The following ENOSF1 variants were observed in gnomAD, a reference collection of about 807,000 sequenced individuals.
ENOSF1 encodes the protein mitochondrial enolase superfamily member 1.
A neutral mutation model predicts 68.2 loss-of-function variants in ENOSF1; 73 were observed. That is an observed-to-expected ratio of 1.07 (90% confidence interval 0.89 to 1.30). The LOEUF (loss-of-function observed/expected upper bound fraction) is 1.30, where lower values mean the gene tolerates loss of function less well. Ranked by LOEUF, ENOSF1 falls within the 50% of genes most tolerant of loss-of-function variation. The pLI is 0.00. For missense variants in ENOSF1, 589 were observed against 554.5 expected, an observed-to-expected ratio of 1.06 and a Z score of -0.62; for synonymous variants, 223 against 210.4, an observed-to-expected ratio of 1.06 and a Z score of -0.52.
intron 2 of ENOSF1, among the ~76,000 whole-genome samples, chr18:705,194 G>A (rs2078805681): frequency 6.6e-6 from 1 of 152,248 alleles, no homozygotes; most frequent in Middle Eastern, 3.4e-3. Context: ...AAATATCCAA[G>A]GGAGAGGTAT....
Position 693,674 on chromosome 18 carries a change from C to T in ENOSF1, c.423+208G>A, listed in dbSNP as rs543931260. ...GAGGCAGGACCCCCTCACTGCTTCC[C>T]CTCATGCCACCCTGCCTGCATGAGC... is the stretch of plus-strand genomic sequence containing the variant. On this transcript the variant is annotated intron_variant, in intron 5 of 15. Coordinates refer to ENST00000647584, the MANE Select transcript of ENOSF1 (RefSeq NM_017512.7). The T allele has an allele frequency of 7.1e-6, 7 of 985,352 alleles. No individual in the cohort carries two copies. In the East Asian group the frequency reaches 6.8e-4, roughly 96 times the overall value. The allele number at this position is 985,352 out of a possible 1,614,324, so 61.0% of individuals were successfully genotyped here. A position where few individuals can be genotyped will look rare whatever the true frequency, so the allele number is the denominator to read the frequency against.
chr18:685,383 TATAA>T (rs2076519154), intron 10 of ENOSF1, among the ~76,000 whole-genome samples: 1 of 151,906 alleles, frequency 6.6e-6, no homozygotes, highest in African/African-American at 2.4e-5. Flanking sequence ...TTAATTCATG[TATAA>T]ATAGTGATCC....
intron 2 of ENOSF1, among the ~76,000 whole-genome samples, chr18:700,826 C>T (rs953365833): frequency 7.4e-6 from 1 of 135,138 alleles, no homozygotes; most frequent in African/African-American, 2.9e-5. Flanking sequence ...GCAGAGGTTG[C>T]AGTGAGCCAG....
Position 673,061 on chromosome 18 carries a change from A to G in ENOSF1, c.*1244T>C, listed in dbSNP as rs1349604592. 3 of 1,436,516 alleles carry G rather than the reference A, an allele frequency of 2.1e-6. No individual in the cohort carries two copies. Among genetic ancestry groups the G allele is most frequent in the African/African-American group, 2.8e-5 (2 of 71,196 alleles). 89.0% of individuals were successfully genotyped at this position (1,436,516 alleles called of 1,614,324 possible). A position where few individuals can be genotyped will look rare whatever the true frequency, so the allele number is the denominator to read the frequency against. On this transcript the variant is annotated 3_prime_UTR_variant, in exon 16 of 16. Transcript: ENST00000647584. ...TAGGGGTTGGGCTGGATGCCGAGGT[A>G]AAAGTTCTTTTTGCTCTAAAAGAAA...
chr18:676,089 C>T (rs2075484470), intron 14 of ENOSF1, among the ~76,000 whole-genome samples: 1 of 152,186 alleles, frequency 6.6e-6, no homozygotes, highest in Non-Finnish European at 1.5e-5. Flanking sequence ...TTCCTTTCAG[C>T]TATACAAATG....
At chr18:674,579 C>T (rs111811424) in intron 15 of ENOSF1, among the ~76,000 whole-genome samples, 173 bp from the exon 16 acceptor site, 11,110 of 152,092 alleles carry the variant, frequency 0.073, 602 homozygotes, top group Admixed American at 0.17. Flanking sequence ...AGTGCAGTGG[C>T]GCAATCTTGG....
chr18:667,992 A>ATTTTTTTTTTTTTTTTTTTTTT (rs60409589), downstream of ENOSF1, among the ~76,000 whole-genome samples: 5 of 105,362 alleles, frequency 4.7e-5, 1 homozygote, highest in African/African-American at 1.8e-4. Flanking sequence ...ATTCACAGGA[A>ATTTTTTTTTTTTTTTTTTTTTT]TTTTTTTTTT....
chr18:668,657 T>C (rs893031174), downstream of ENOSF1, among the ~76,000 whole-genome samples: 1 of 152,212 alleles, frequency 6.6e-6, no homozygotes, highest in Non-Finnish European at 1.5e-5. Context: ...CAACACTCTC[T>C]GTGAGACAAG....
In ENOSF1 at chr18:696,204, C is replaced by CTTTT. The variant is rs368856668; in HGVS notation, c.309+1032_309+1035dup. ...TAATGACCTTCTTTTACATCTCTCT[C>CTTTT]TTTTTTTTTTTTTTTTTTTTGTTTT... On this transcript the variant is annotated intron_variant, in intron 3 of 15. Transcript: ENST00000647584. 4.0e-3 allele frequency among the ~76,000 whole-genome samples: 474 copies of CTTTT among 118,716 alleles called. 14 individuals carry two copies. The highest frequency in any genetic ancestry group is 9.3e-3 in the African/African-American group (278 of 29,966). The allele number at this position is 118,716 out of a possible 152,430, so 77.9% of individuals were successfully genotyped here. A position where few individuals can be genotyped will look rare whatever the true frequency, so the allele number is the denominator to read the frequency against.
intron 12 of ENOSF1, among the ~76,000 whole-genome samples, chr18:678,088 G>C (rs1361137971): frequency 2.0e-5 from 3 of 152,212 alleles, no homozygotes; most frequent in Admixed American, 6.5e-5. Context: ...ATCTGCTAAT[G>C]CAACAGTGTG....
intron 3 of ENOSF1, among the ~76,000 whole-genome samples, chr18:696,493 G>A (rs910696491): frequency 1.3e-5 from 2 of 151,294 alleles, no homozygotes; most frequent in African/African-American, 2.5e-5. Context: ...TTACAGGAGT[G>A]AGCCACCGCG....
chr18:706,965 C>T (rs2847166), intron 1 of ENOSF1, among the ~76,000 whole-genome samples: 71,833 of 151,220 alleles, frequency 0.48, 17,472 homozygotes, highest in African/African-American at 0.61. Flanking sequence ...ATTACAGGCA[C>T]GTGCCACCAC....
chr18:712,611 GC>G lies in ENOSF1; in HGVS notation c.-25del. On this transcript the variant is annotated 5_prime_UTR_variant, in exon 1 of 16. Coordinates refer to ENST00000647584, the MANE Select transcript of ENOSF1 (RefSeq NM_017512.7). Reference sequence around the variant, plus strand: ...ATGGCCCCTGCGCCCCGTGGCCGCGGCCCCCGTGCGGTCAGGACTGGTCGGG... The same window carrying G: ...ATGGCCCCTGCGCCCCGTGGCCGCGGCCCCGTGCGGTCAGGACTGGTCGGG... The G allele has an allele frequency of 2.2e-6, 3 of 1,378,772 alleles. No individual in the cohort carries two copies. Among genetic ancestry groups the G allele is most frequent in the Non-Finnish European group, 2.9e-6 (3 of 1,048,604 alleles). 85.4% of individuals were successfully genotyped at this position (1,378,772 alleles called of 1,614,324 possible). A position where few individuals can be genotyped will look rare whatever the true frequency, so the allele number is the denominator to read the frequency against.
chr18:683,991 T>C (rs1394738392), intron 10 of ENOSF1, among the ~76,000 whole-genome samples: 1 of 147,054 alleles, frequency 6.8e-6, no homozygotes, highest in East Asian at 2.0e-4. Flanking sequence ...TGGATTTCTT[T>C]TCTTTTTCTT....
At chr18:667,535 T>TGATGGTGATGGA (rs2074877456), downstream of ENOSF1, among the ~76,000 whole-genome samples, 1 of 72,054 alleles carries the variant, frequency 1.4e-5, no homozygotes, top group Non-Finnish European at 2.4e-5. Flanking sequence ...ATGGAGATGG[T>TGATGGTGATGGA]GATGGTGATG....
intron 4 of ENOSF1, 65 bp from the exon 5 acceptor site, chr18:693,973 A>G (rs2145122140): frequency 6.6e-7 from 1 of 1,526,270 alleles, no homozygotes; most frequent in East Asian, 2.4e-5. Context: ...TCCTGACAGT[A>G]AACGCGTTGG....
rs1460252626 is a variant in ENOSF1 at position 694,335 on chromosome 18, C to G, written c.310-1G>C. The stretch of plus-strand genomic sequence containing the variant: ...GCACCACGCCCTTTTCTGGACCAAT[C>G]TGGTTAGGAAGCAAAGTACAAAAGC... On this transcript the variant is annotated splice_acceptor_variant, in intron 3 of 15. Transcript: ENST00000647584. LOFTEE classifies it high-confidence loss of function. 2 of 1,613,918 alleles carry G rather than the reference C, an allele frequency of 1.2e-6. No individual in the cohort carries two copies. The highest frequency in any genetic ancestry group is 2.2e-5 in the East Asian group (1 of 44,886).
At chr18:712,346 C>T (rs1252695242) in intron 1 of ENOSF1, 158 bp downstream of exon 1, 21 of 1,534,108 alleles carry the variant, frequency 1.4e-5, no homozygotes, top group Non-Finnish European at 1.7e-5. Context: ...ACCCGGGCCG[C>T]AAGCCGCGCG....
downstream of ENOSF1, among the ~76,000 whole-genome samples, chr18:668,171 C>T (rs1453855135): frequency 6.6e-6 from 1 of 151,876 alleles, no homozygotes. Flanking sequence ...AATTTTAGCA[C>T]GTGTAGACTC....
Sources: allele counts gnomAD v4.1 joint callset (sites outside exome capture counted in the v4.1 genomes callset), GRCh38; gene constraint gnomAD v4.1.1; transcripts MANE v1.5; gene names NCBI Gene and HGNC (gene_info 2026-07-23, HGNC 2026-07-21).